MBNL1: variants seen among roughly 807,000 people sequenced by gnomAD.
MBNL1 encodes muscleblind-like protein 1.
In MBNL1, 8 loss-of-function variants were observed where a neutral mutation model predicts 42.2. The observed-to-expected ratio is 0.19, with a 90% CI of 0.11 to 0.34. The LOEUF is 0.34. MBNL1 is among the 10% of genes least tolerant of loss of function. MBNL1 has a pLI of 1.00. For synonymous variants in MBNL1, 169 were observed against 173.9 expected, an observed-to-expected ratio of 0.97 and a Z score of 0.22; for missense variants, 309 against 495.3, an observed-to-expected ratio of 0.62 and a Z score of 3.57.
At chr3:152,404,379 G>T (rs2098358128) in intron 2 of MBNL1, among the ~76,000 whole-genome samples, 1 of 152,156 alleles carries the variant, frequency 6.6e-6, no homozygotes, top group Non-Finnish European at 1.5e-5. Flanking sequence ...GACATAGGTT[G>T]TTGGAAACAT....
At chr3:152,437,896 C>T (rs1327361552) in intron 4 of MBNL1, among the ~76,000 whole-genome samples, 1 of 152,004 alleles carries the variant, frequency 6.6e-6, no homozygotes, top group Non-Finnish European at 1.5e-5. Flanking sequence ...GCCTCAGCCT[C>T]CTGAGTAGCT....
intron 3 of MBNL1, among the ~76,000 whole-genome samples, chr3:152,418,950 T>G (rs1027488587): frequency 1.3e-5 from 2 of 152,038 alleles, no homozygotes; most frequent in African/African-American, 4.8e-5. Context: ...TCTCCTGACC[T>G]TGTGATCCGC....
chr3:152,456,555 G>GC (rs1176721844), intron 8 of MBNL1, among the ~76,000 whole-genome samples, 194 bp downstream of exon 8: 3 of 152,178 alleles, frequency 2.0e-5, no homozygotes, highest in African/African-American at 7.2e-5. Context: ...ATGATGAGCA[G>GC]CAGAATGCTT....
At position 152,299,641 on chromosome 3, in the gene MBNL1, C is replaced by T. The variant is rs2059961925; in HGVS notation, c.-553C>T. The stretch of plus-strand genomic sequence containing the variant: ...AAAGTTTGCTGAAAAAGTAAGATAT[C>T]TTCTGCCAGGAAATCAAGGAGGAAA... On this transcript the variant is annotated 5_prime_UTR_variant, in exon 2 of 10. Transcript: ENST00000324210. 2 of 398,600 alleles carry T rather than the reference C, an allele frequency of 5.0e-6. No homozygotes were observed. Among genetic ancestry groups the T allele is most frequent in the African/African-American group, 2.1e-5 (1 of 48,588 alleles). 24.7% of individuals were successfully genotyped at this position (398,600 alleles called of 1,614,324 possible).
chr3:152,312,376 C>T (rs1468705102), intron 2 of MBNL1, among the ~76,000 whole-genome samples: 2 of 151,972 alleles, frequency 1.3e-5, no homozygotes, highest in African/African-American at 2.4e-5. Context: ...ACTCTTGCCA[C>T]GCATTGTGTT....
chr3:152,350,411 A>C (rs973933618), intron 2 of MBNL1, among the ~76,000 whole-genome samples: 1 of 152,126 alleles, frequency 6.6e-6, no homozygotes, highest in African/African-American at 2.4e-5. Context: ...GCCTCAACAC[A>C]TGTAGACAAC....
chr3:152,261,492 C>T (rs1315204784), intron 2 of MBNL1, among the ~76,000 whole-genome samples: 3 of 152,160 alleles, frequency 2.0e-5, no homozygotes, highest in Non-Finnish European at 2.9e-5. Context: ...AACAAGCTAT[C>T]CTTTGTTAAA....
intron 2 of MBNL1, among the ~76,000 whole-genome samples, chr3:152,317,558 G>C (rs1441429117): frequency 6.6e-6 from 1 of 152,040 alleles, no homozygotes; most frequent in Non-Finnish European, 1.5e-5. Context: ...GAGCTCAAGC[G>C]ATCCACCCAC....
At chr3:152,412,781 G>C (rs927943211) in intron 2 of MBNL1, among the ~76,000 whole-genome samples, 7 of 152,174 alleles carry the variant, frequency 4.6e-5, no homozygotes, top group African/African-American at 1.4e-4. Context: ...ACCACAGTTA[G>C]TGTTGGAAGG....
chr3:152,325,451 A>G (rs879420844), intron 2 of MBNL1, among the ~76,000 whole-genome samples: 2 of 152,162 alleles, frequency 1.3e-5, no homozygotes, highest in African/African-American at 2.4e-5. Context: ...GGAATGGAAC[A>G]TGGACTTCAC....
chr3:152,261,909 T>C (rs1486209100), intron 2 of MBNL1, among the ~76,000 whole-genome samples: 1 of 152,182 alleles, frequency 6.6e-6, no homozygotes, highest in African/African-American at 2.4e-5. Context: ...TGGGAGTCCG[T>C]GAGGAGCAAG....
intron 2 of MBNL1, among the ~76,000 whole-genome samples, chr3:152,254,075 A>T (rs1001887475): frequency 1.3e-5 from 2 of 152,162 alleles, no homozygotes; most frequent in African/African-American, 2.4e-5. Flanking sequence ...ATAAACAATG[A>T]TTAAGTAAAA....
At chr3:152,404,449 A>G (rs1350422434) in intron 2 of MBNL1, among the ~76,000 whole-genome samples, 1 of 152,146 alleles carries the variant, frequency 6.6e-6, no homozygotes, top group Non-Finnish European at 1.5e-5. Flanking sequence ...CACTTTAGAG[A>G]TACTTTACTT....
At chr3:152,451,106 A>AT (rs1722030580) in intron 6 of MBNL1, among the ~76,000 whole-genome samples, 1 of 152,128 alleles carries the variant, frequency 6.6e-6, no homozygotes, top group Admixed American at 6.5e-5. Context: ...GAATTCTTTT[A>AT]TTTTTTGCAG....
At position 152,432,680 on chromosome 3, in the gene MBNL1, C is replaced by A. The variant is rs191551471; in HGVS notation, c.346-37C>A. On this transcript the variant is annotated intron_variant, in intron 3 of 9. Coordinates refer to ENST00000324210, the MANE Select transcript of MBNL1 (RefSeq NM_021038.5). ...TAAGAATATCAACTTTGAGCTGAGA[C>A]CTGCATGTTAAATTTTGCTTTTATT... The A allele has an allele frequency of 1.3e-5, 21 of 1,568,442 alleles. 1 individual carries two copies. In the East Asian group the frequency reaches 4.5e-4, roughly 33 times the overall value.
At chr3:152,293,656 C>CA (rs1387734584) in intron 1 of MBNL1, among the ~76,000 whole-genome samples, 1 of 152,104 alleles carries the variant, frequency 6.6e-6, no homozygotes, top group Non-Finnish European at 1.5e-5. Context: ...TAAACGACCT[C>CA]AAAAAATTAC....
chr3:152,399,701 C>T (rs1032267204), intron 2 of MBNL1, among the ~76,000 whole-genome samples: 1 of 152,000 alleles, frequency 6.6e-6, no homozygotes, highest in East Asian at 1.9e-4. Flanking sequence ...CAGGGTCTCA[C>T]TATGTAGCCT....
At chr3:152,306,770 TC>T (rs1356042793) in intron 2 of MBNL1, among the ~76,000 whole-genome samples, 2 of 152,156 alleles carry the variant, frequency 1.3e-5, no homozygotes, top group Non-Finnish European at 2.9e-5. Context: ...CATAAAACTT[TC>T]AGAATTAAGT....
chr3:152,437,017 C>A (rs538342984), intron 4 of MBNL1, among the ~76,000 whole-genome samples: 1 of 152,292 alleles, frequency 6.6e-6, no homozygotes, highest in Admixed American at 6.5e-5. Flanking sequence ...TGATTTTAGA[C>A]AATCCTATCT....
Sources: allele counts gnomAD v4.1 joint callset (sites outside exome capture counted in the v4.1 genomes callset), GRCh38; gene constraint gnomAD v4.1.1; transcripts MANE v1.5; gene names NCBI Gene and HGNC (gene_info 2026-07-23, HGNC 2026-07-21).